Variants in NAALADL2 observed in about 807,000 individuals in gnomAD.
The protein encoded by NAALADL2 is N-acetylated alpha-linked acidic dipeptidase like 2, also known as inactive N-acetylated-alpha-linked acidic dipeptidase-like protein 2.
NAALADL2 carries 76 observed loss-of-function variants against 87.2 expected under a neutral mutation model. That is an observed-to-expected ratio of 0.87 (90% CI 0.72 to 1.05). NAALADL2 has a LOEUF of 1.05. NAALADL2 is among the 50% of genes least tolerant of loss of function. NAALADL2 has a pLI of 0.00. For synonymous variants in NAALADL2, 354 were observed against 331.0 expected (o/e 1.07, Z -0.75); for missense variants, 1,089 against 945.8 (o/e 1.15, Z -1.99).
At chr3:174,678,477 A>G (rs1727247330) in intron 2 of NAALADL2, among the ~76,000 whole-genome samples, 1 of 152,128 alleles carries the variant, frequency 6.6e-6, no homozygotes, top group Non-Finnish European at 1.5e-5. Context: ...GGGTGTACAA[A>G]TTTGCATTCC....
intron 3 of NAALADL2, among the ~76,000 whole-genome samples, chr3:174,819,285 G>C (rs116615426): frequency 3.3e-5 from 5 of 151,420 alleles, no homozygotes; most frequent in Non-Finnish European, 7.4e-5. Context: ...GGCTGGTTTT[G>C]AACTCCTGAG....
intron 13 of NAALADL2, among the ~76,000 whole-genome samples, chr3:175,794,005 TAA>T (rs1465997560): frequency 6.6e-6 from 1 of 151,536 alleles, no homozygotes; most frequent in Non-Finnish European, 1.5e-5. Flanking sequence ...ATCAGAAAAA[TAA>T]ATGAAAAAAA....
chr3:174,938,821 T>G (rs1276399124), intron 1 of NAALADL2, among the ~76,000 whole-genome samples: 1 of 152,166 alleles, frequency 6.6e-6, no homozygotes, highest in Admixed American at 6.6e-5. Context: ...CATGTCTTCT[T>G]TTACAAAGTA....
intron 1 of NAALADL2, among the ~76,000 whole-genome samples, chr3:175,052,843 T>G (rs1229883959): frequency 6.6e-6 from 1 of 152,198 alleles, no homozygotes; most frequent in Non-Finnish European, 1.5e-5. Flanking sequence ...GCCACTATAC[T>G]GCCATGGTTC....
intron 1 of NAALADL2, among the ~76,000 whole-genome samples, chr3:174,879,987 C>T (rs1728995956): frequency 6.6e-6 from 1 of 152,040 alleles, no homozygotes; most frequent in African/African-American, 2.4e-5. Context: ...TTGCTTTGCC[C>T]CTAATTTATT....
intron 10 of NAALADL2, among the ~76,000 whole-genome samples, chr3:175,606,107 A>G (rs1723698248): frequency 6.6e-6 from 1 of 152,190 alleles, no homozygotes; most frequent in Non-Finnish European, 1.5e-5. Context: ...AAAGGAACAA[A>G]GAGCAACAGA....
At chr3:174,698,480 A>G (rs1200663270) in intron 2 of NAALADL2, among the ~76,000 whole-genome samples, 2 of 152,152 alleles carry the variant, frequency 1.3e-5, no homozygotes, top group African/African-American at 4.8e-5. Context: ...TCAAACTACA[A>G]TAGATCTGTC....
At chr3:174,630,966 C>G (rs1461055927) in intron 2 of NAALADL2, among the ~76,000 whole-genome samples, 1 of 152,080 alleles carries the variant, frequency 6.6e-6, no homozygotes, top group Admixed American at 6.6e-5. Flanking sequence ...CTATATTTTG[C>G]CGTACCTTTC....
chr3:175,311,921 G>T (rs1420305465), intron 4 of NAALADL2, among the ~76,000 whole-genome samples: 2 of 152,144 alleles, frequency 1.3e-5, no homozygotes, highest in Non-Finnish European at 2.9e-5. Flanking sequence ...AAAGCAATTT[G>T]AAATCCTAAT....
intron 5 of NAALADL2, among the ~76,000 whole-genome samples, chr3:175,395,656 G>A (rs17283743): frequency 0.071 from 10,771 of 152,174 alleles, 521 homozygotes; most frequent in Middle Eastern, 0.12. Context: ...AGATCAAGGC[G>A]GAACTTCATT....
chr3:174,711,276 G>A (rs1221077162), intron 2 of NAALADL2, among the ~76,000 whole-genome samples: 1 of 152,138 alleles, frequency 6.6e-6, no homozygotes, highest in East Asian at 1.9e-4. Context: ...GGCAACATTG[G>A]AAGCCACATT....
intron 2 of NAALADL2, among the ~76,000 whole-genome samples, chr3:174,661,178 G>T (rs948136476): frequency 6.6e-6 from 1 of 152,102 alleles, no homozygotes; most frequent in Non-Finnish European, 1.5e-5. Context: ...TTGGCCAGAT[G>T]GGTTTTGACT....
At chr3:175,186,568 G>A (rs1370639977) in intron 2 of NAALADL2, among the ~76,000 whole-genome samples, 1 of 152,104 alleles carries the variant, frequency 6.6e-6, no homozygotes, top group East Asian at 1.9e-4. Flanking sequence ...AAGAGATAAA[G>A]AGATTTACAC....
At chr3:174,983,743 A>AT (rs1424649767) in intron 1 of NAALADL2, among the ~76,000 whole-genome samples, 1 of 152,180 alleles carries the variant, frequency 6.6e-6, no homozygotes, top group Non-Finnish European at 1.5e-5. Context: ...CTTGGTAATC[A>AT]GGTTTCAACA....
intron 3 of NAALADL2, among the ~76,000 whole-genome samples, chr3:175,236,281 G>C (rs1264751989): frequency 6.6e-6 from 1 of 152,042 alleles, no homozygotes; most frequent in Non-Finnish European, 1.5e-5. Flanking sequence ...CAGCACTTTG[G>C]GGAGGCCGTA....
At chr3:174,712,427 AC>A (rs1246506372) in intron 2 of NAALADL2, among the ~76,000 whole-genome samples, 2 of 112,832 alleles carry the variant, frequency 1.8e-5, no homozygotes, top group Non-Finnish European at 3.3e-5. Context: ...TTGCTCTGTC[AC>A]CCAGGCTGGA....
intron 11 of NAALADL2, among the ~76,000 whole-genome samples, chr3:175,650,402 A>G (rs2149786570): frequency 6.6e-6 from 1 of 152,306 alleles, no homozygotes; most frequent in East Asian, 1.9e-4. Flanking sequence ...GAAATACTCT[A>G]TAGCTGGATT....
chr3:175,122,872 G>A (rs1726357146), intron 2 of NAALADL2, among the ~76,000 whole-genome samples: 1 of 151,888 alleles, frequency 6.6e-6, no homozygotes, highest in South Asian at 2.1e-4. Flanking sequence ...CCAAGATCAA[G>A]GAGGTGGCAT....
chr3:174,784,071 A>G (rs1000681878), intron 3 of NAALADL2, among the ~76,000 whole-genome samples: 1 of 152,202 alleles, frequency 6.6e-6, no homozygotes, highest in Non-Finnish European at 1.5e-5. Flanking sequence ...TGCTTACTAT[A>G]TATATAAATA....
Sources: allele counts gnomAD v4.1 joint callset (sites outside exome capture counted in the v4.1 genomes callset), GRCh38; gene constraint gnomAD v4.1.1; transcripts MANE v1.5; gene names NCBI Gene and HGNC (gene_info 2026-07-23, HGNC 2026-07-21).